Variants in LRRC49 observed in about 807,000 individuals in gnomAD.
LRRC49 encodes leucine rich repeat containing 49, also known as leucine-rich repeat-containing protein 49.
In LRRC49, 50 loss-of-function variants were observed where a neutral mutation model predicts 83.3. That is an observed-to-expected ratio of 0.60 (90% CI 0.48 to 0.76). The LOEUF (loss-of-function observed/expected upper bound fraction) is 0.76, where lower values mean the gene tolerates loss of function less well. Among genes scored for constraint, LRRC49 ranks in the 30% least tolerant of loss-of-function variants. LRRC49 has a pLI of 0.00. For missense variants in LRRC49, 704 were observed against 809.1 expected (o/e 0.87, Z 1.58); for synonymous variants, 286 against 283.3 (o/e 1.01, Z -0.10).
chr15:70,858,636 G>T, intron 1 of LRRC49: 1 of 525,848 alleles, frequency 1.9e-6, no homozygotes, highest in South Asian at 3.4e-5. Context: ...ACAAAAAAAG[G>T]ACCAAGAAGC....
At chr15:70,941,574 T>TA (rs1220350128) in intron 8 of LRRC49, among the ~76,000 whole-genome samples, 3 of 151,910 alleles carry the variant, frequency 2.0e-5, no homozygotes, top group African/African-American at 2.4e-5. Context: ...GACCCTCTGT[T>TA]ACATTTGTTG....
intron 2 of LRRC49, among the ~76,000 whole-genome samples, chr15:70,878,542 G>T (rs1288668825): frequency 2.6e-5 from 4 of 152,092 alleles, no homozygotes; most frequent in East Asian, 1.9e-4. Flanking sequence ...CCTGATCTAG[G>T]GATAAAGCCT....
At chr15:70,889,417 T>C (rs2033495929), upstream of LRRC49, among the ~76,000 whole-genome samples, 1 of 152,002 alleles carries the variant, frequency 6.6e-6, no homozygotes, top group Non-Finnish European at 1.5e-5. Context: ...GGGCTGGATA[T>C]GGGGTGATAT....
chr15:71,034,498 A>T (rs1362036039), intron 14 of LRRC49, among the ~76,000 whole-genome samples: 1 of 152,238 alleles, frequency 6.6e-6, no homozygotes, highest in East Asian at 1.9e-4. Context: ...ACCTGGAACC[A>T]GAAATACGAT....
intron 15 of LRRC49, chr15:71,048,798 A>C (rs996051025): frequency 1.3e-5 from 6 of 455,838 alleles, no homozygotes; most frequent in Admixed American, 2.4e-5. Context: ...CCAGACCCAG[A>C]AGTTGAGTGG....
At chr15:70,992,448 T>C (rs913634318) in intron 11 of LRRC49, among the ~76,000 whole-genome samples, 6 of 152,218 alleles carry the variant, frequency 3.9e-5, no homozygotes, top group African/African-American at 1.4e-4. Context: ...TTTATCCAAC[T>C]TTGGTCTTTG....
intron 6 of LRRC49, among the ~76,000 whole-genome samples, chr15:70,916,349 C>T (rs748501131): frequency 7.9e-5 from 12 of 152,122 alleles, no homozygotes; most frequent in Non-Finnish European, 1.6e-4. Context: ...GGCTGGAGTG[C>T]AGTGGCGTGA....
chr15:70,927,255 T>A (rs1365447109), intron 7 of LRRC49, among the ~76,000 whole-genome samples: 1 of 152,226 alleles, frequency 6.6e-6, no homozygotes, highest in Non-Finnish European at 1.5e-5. Flanking sequence ...TGCATTTTCT[T>A]TATTACTAAT....
chr15:70,888,651 T>C (rs2033471944), upstream of LRRC49, among the ~76,000 whole-genome samples: 1 of 152,072 alleles, frequency 6.6e-6, no homozygotes, highest in African/African-American at 2.4e-5. Context: ...CTTCAGTACA[T>C]CAAAAGACAT....
Position 71,043,944 on chromosome 15 carries a change from T to A in LRRC49, c.1858-5465T>A, listed in dbSNP as rs116485249. On this transcript the variant is annotated intron_variant, in intron 15 of 15. Transcript: ENST00000260382. ...GAATTTTGTCTTTTTAAATTCAAAATCCTATTTTAAGCAATTTGGAAATCT... is the reference window on the plus strand; with the variant it reads ...GAATTTTGTCTTTTTAAATTCAAAAACCTATTTTAAGCAATTTGGAAATCT... Among the ~76,000 whole-genome samples, 699 of 152,334 alleles carry A rather than the reference T, an allele frequency of 4.6e-3. 9 individuals carry two copies. Among genetic ancestry groups the A allele is most frequent in the African/African-American group, 0.016 (680 of 41,580 alleles).
intron 2 of LRRC49, among the ~76,000 whole-genome samples, chr15:70,875,979 G>A (rs1388950446): frequency 6.6e-6 from 1 of 152,090 alleles, no homozygotes; most frequent in Admixed American, 6.5e-5. Flanking sequence ...ATTATCTGCA[G>A]AGCCAACTCT....
chr15:70,880,588 C>T (rs773658107), intron 2 of LRRC49, among the ~76,000 whole-genome samples: 12 of 152,140 alleles, frequency 7.9e-5, no homozygotes, highest in Admixed American at 2.0e-4. Context: ...GTTCCTTATA[C>T]GTCATTTAAA....
At chr15:70,962,588 G>A (rs549736954) in intron 8 of LRRC49, among the ~76,000 whole-genome samples, 2 of 151,874 alleles carry the variant, frequency 1.3e-5, no homozygotes, top group South Asian at 4.2e-4. Flanking sequence ...ATCTTATAGT[G>A]CCAGAAAGTA....
At chr15:71,019,308 A>G (rs1414722165) in intron 14 of LRRC49, among the ~76,000 whole-genome samples, 1 of 152,120 alleles carries the variant, frequency 6.6e-6, no homozygotes, top group Non-Finnish European at 1.5e-5. Context: ...CACCCCAGTT[A>G]CCAGCCATCT....
chr15:70,949,604 C>T (rs2036142167), intron 8 of LRRC49, among the ~76,000 whole-genome samples: 1 of 152,090 alleles, frequency 6.6e-6, no homozygotes, highest in Non-Finnish European at 1.5e-5. Context: ...CACCAATGCT[C>T]CCCAATATAA....
At chr15:70,859,907 G>A (rs2032746512) in intron 1 of LRRC49, 2 of 769,124 alleles carry the variant, frequency 2.6e-6, no homozygotes, top group Non-Finnish European at 4.8e-6. Context: ...GGAGGGTGAG[G>A]AGAGCCGGCT....
chr15:71,044,032 A>T (rs2039776098), intron 15 of LRRC49, among the ~76,000 whole-genome samples: 1 of 152,196 alleles, frequency 6.6e-6, no homozygotes, highest in African/African-American at 2.4e-5. Context: ...TGCTTGTAAA[A>T]TATTGCTCAT....
At chr15:70,858,622 A>C (rs938698478) in intron 1 of LRRC49, 1 of 526,260 alleles carries the variant, frequency 1.9e-6, no homozygotes, top group African/African-American at 1.9e-5. Context: ...ACAAAACAAA[A>C]CAAACAAAAA....
chr15:70,934,171 T>TG (rs1180626368), intron 7 of LRRC49, among the ~76,000 whole-genome samples: 4 of 152,190 alleles, frequency 2.6e-5, no homozygotes, highest in African/African-American at 9.6e-5. Flanking sequence ...TCTCTTATAT[T>TG]AGAGGAGCCA....
Sources: gnomAD v4.1 joint callset for allele counts (sites outside exome capture counted in the v4.1 genomes callset) on GRCh38, gnomAD v4.1.1 for gene constraint, MANE v1.5 for transcripts, NCBI Gene and HGNC (gene_info 2026-07-23, HGNC 2026-07-21) for gene names.